EPC1: variants seen among roughly 807,000 people sequenced by gnomAD.
The protein encoded by EPC1 is enhancer of polycomb 1.
EPC1 carries 12 observed loss-of-function variants against 98.4 expected under a neutral mutation model. The ratio of observed to expected loss-of-function variants is 0.12; its 90% CI spans 0.08 to 0.20. The LOEUF is 0.20. EPC1 is among the 10% of genes least tolerant of loss of function. EPC1 has a pLI of 1.00. For synonymous variants in EPC1, 357 were observed against 363.9 expected, an observed-to-expected ratio of 0.98 and a Z score of 0.21; for missense variants, 729 against 990.5, an observed-to-expected ratio of 0.74 and a Z score of 3.54.
upstream of EPC1, among the ~76,000 whole-genome samples, chr10:32,352,042 A>ATTTTT (rs35657158): frequency 1.1e-5 from 1 of 93,454 alleles, no homozygotes; most frequent in African/African-American, 4.2e-5. Context: ...AGCCATATTG[A>ATTTTT]TTTTTTTTTT....
At chr10:32,318,829 T>A (rs966558064) in intron 1 of EPC1, among the ~76,000 whole-genome samples, 1 of 152,220 alleles carries the variant, frequency 6.6e-6, no homozygotes, top group African/African-American at 2.4e-5. Flanking sequence ...ACCTCTAGTA[T>A]TACATTACTC....
At chr10:32,357,938 T>A (rs192958863) in intron 1 of EPC1, among the ~76,000 whole-genome samples, 86 of 141,954 alleles carry the variant, frequency 6.1e-4, no homozygotes, top group Admixed American at 8.8e-4. Context: ...CACTGCAACC[T>A]CCACCTCCCG....
intron 1 of EPC1, chr10:32,346,506 C>A (rs1838822977): frequency 4.1e-6 from 2 of 492,566 alleles, no homozygotes; most frequent in Non-Finnish European, 7.3e-6. Flanking sequence ...CCCTTTGTGC[C>A]TTTCGGGCCC....
intron 1 of EPC1, among the ~76,000 whole-genome samples, chr10:32,368,914 T>C (rs1839674804): frequency 1.3e-5 from 2 of 152,198 alleles, no homozygotes; most frequent in Admixed American, 1.3e-4. Context: ...TTAAGTAATA[T>C]TACTTTGTTT....
At chr10:32,331,029 A>C (rs945994057) in intron 1 of EPC1, among the ~76,000 whole-genome samples, 1 of 152,206 alleles carries the variant, frequency 6.6e-6, no homozygotes, top group Non-Finnish European at 1.5e-5. Context: ...ATTCCAAGAC[A>C]AATGAATCAA....
At chr10:32,340,123 TTAAA>T (rs1220322812) in intron 1 of EPC1, among the ~76,000 whole-genome samples, 2 of 152,230 alleles carry the variant, frequency 1.3e-5, no homozygotes, top group Non-Finnish European at 2.9e-5. Context: ...AACGATTTGC[TTAAA>T]TAATCTGCTT....
At chr10:32,326,153 T>C (rs755339959) in intron 1 of EPC1, among the ~76,000 whole-genome samples, 2 of 152,170 alleles carry the variant, frequency 1.3e-5, no homozygotes, top group African/African-American at 2.4e-5. Context: ...TACTTCCTTA[T>C]CCTTCCTCTT....
intron 6 of EPC1, among the ~76,000 whole-genome samples, chr10:32,290,318 A>G (rs928797779): frequency 3.3e-5 from 5 of 151,764 alleles, no homozygotes; most frequent in African/African-American, 1.2e-4. Context: ...CCCCACCTCT[A>G]CTAAAAATAC....
intron 1 of EPC1, among the ~76,000 whole-genome samples, chr10:32,363,819 A>T (rs1217223054): frequency 6.6e-6 from 1 of 152,072 alleles, no homozygotes; most frequent in Non-Finnish European, 1.5e-5. Flanking sequence ...CCAAATAGCT[A>T]AACTTGCTCA....
At chr10:32,305,293 A>C (rs2490474) in intron 2 of EPC1, among the ~76,000 whole-genome samples, 1 of 152,216 alleles carries the variant, frequency 6.6e-6, no homozygotes, top group Non-Finnish European at 1.5e-5. Flanking sequence ...ACACAGCGAC[A>C]TTCATTCATT....
At chr10:32,343,269 G>C (rs1213325884) in intron 1 of EPC1, among the ~76,000 whole-genome samples, 1 of 152,144 alleles carries the variant, frequency 6.6e-6, no homozygotes, top group East Asian at 1.9e-4. Flanking sequence ...TGAGTGCAGT[G>C]GGGGGATCTC....
At chr10:32,305,213 G>A (rs542003518) in intron 2 of EPC1, among the ~76,000 whole-genome samples, 1 of 152,222 alleles carries the variant, frequency 6.6e-6, no homozygotes, top group African/African-American at 2.4e-5. Flanking sequence ...ACAGATTTGG[G>A]GTTGGCAAGC....
intron 1 of EPC1, among the ~76,000 whole-genome samples, chr10:32,356,710 C>T (rs1030967966): frequency 6.6e-6 from 1 of 152,152 alleles, no homozygotes. Context: ...TACCGCCAGG[C>T]GCGGTGGCTC....
At chr10:32,342,183 A>G (rs112295995) in intron 1 of EPC1, among the ~76,000 whole-genome samples, 2,179 of 152,356 alleles carry the variant, frequency 0.014, 18 homozygotes, top group Non-Finnish European at 0.023. Context: ...TGCTTCTACT[A>G]TAATTGAGAT....
chr10:32,362,897 T>C (rs1161572316), intron 1 of EPC1, among the ~76,000 whole-genome samples: 5 of 152,186 alleles, frequency 3.3e-5, no homozygotes, highest in African/African-American at 1.2e-4. Context: ...GTACTTCTTC[T>C]CCTAAGCTAG....
At chr10:32,271,058 C>T (rs1035686892) in intron 13 of EPC1, among the ~76,000 whole-genome samples, 3 of 151,226 alleles carry the variant, frequency 2.0e-5, no homozygotes, top group Middle Eastern at 3.4e-3. Flanking sequence ...TGCAATGGTG[C>T]GATCTTGGTT....
At chr10:32,273,424 C>T in intron 10 of EPC1, 143 bp from the exon 11 acceptor site, 1 of 1,068,796 alleles carries the variant, frequency 9.4e-7, no homozygotes, top group Non-Finnish European at 1.3e-6. Context: ...AGATCACTTC[C>T]AAATGAAAAT....
chr10:32,274,735 G>T (rs1835996651), intron 10 of EPC1, among the ~76,000 whole-genome samples: 1 of 152,042 alleles, frequency 6.6e-6, no homozygotes, highest in Admixed American at 6.6e-5. Flanking sequence ...GATTTTTATT[G>T]ATAATAGAAT....
chr10:32,320,789 G>C (rs1055570294), intron 1 of EPC1, among the ~76,000 whole-genome samples: 1 of 151,970 alleles, frequency 6.6e-6, no homozygotes, highest in African/African-American at 2.4e-5. Context: ...ATTTCACTGT[G>C]TTGGCCAGGC....
Sources: gnomAD v4.1 joint callset for allele counts (sites outside exome capture counted in the v4.1 genomes callset) on GRCh38, gnomAD v4.1.1 for gene constraint, MANE v1.5 for transcripts, NCBI Gene and HGNC (gene_info 2026-07-23, HGNC 2026-07-21) for gene names.